The following PKIA variants were observed in gnomAD, a reference collection of about 807,000 sequenced individuals.
PKIA encodes the protein PKI-alpha.
PKIA carries 4 observed loss-of-function variants against 7.6 expected under a neutral mutation model. That is an observed-to-expected ratio of 0.52 (90% CI 0.26 to 1.20). The LOEUF is 1.20. Among genes scored for constraint, PKIA ranks in the 50% most tolerant of loss-of-function variants. The probability of loss-of-function intolerance (pLI) is 0.13; values close to 1 mark genes in which losing one functional copy is unlikely to be tolerated. For synonymous variants in PKIA, 21 were observed against 30.7 expected, an observed-to-expected ratio of 0.68 and a Z score of 1.04; for missense variants, 73 against 86.2, an observed-to-expected ratio of 0.85 and a Z score of 0.61.
chr8:78,588,551 T>A (rs758421103), intron 2 of PKIA, among the ~76,000 whole-genome samples: 2 of 152,126 alleles, frequency 1.3e-5, no homozygotes, highest in Non-Finnish European at 2.9e-5. Context: ...TATGGATGAC[T>A]ATTGTGAAAA....
chr8:78,600,880 T>C (rs534708343), intron 3 of PKIA, among the ~76,000 whole-genome samples: 2 of 152,224 alleles, frequency 1.3e-5, no homozygotes, highest in African/African-American at 4.8e-5. Flanking sequence ...TACCTGCTTT[T>C]ATTTGAATTA....
intron 1 of PKIA, among the ~76,000 whole-genome samples, chr8:78,537,986 G>T (rs533465134): frequency 9.2e-5 from 14 of 151,958 alleles, no homozygotes; most frequent in Non-Finnish European, 2.1e-4. Context: ...TAAATCAGGT[G>T]TCCTGGTCTC....
chr8:78,566,060 T>G (rs1807405620), intron 1 of PKIA, among the ~76,000 whole-genome samples: 1 of 151,950 alleles, frequency 6.6e-6, no homozygotes, highest in African/African-American at 2.4e-5. Flanking sequence ...AAACTGTCCA[T>G]GGAAAAAAAT....
chr8:78,581,062 A>G (rs999510632), intron 2 of PKIA, among the ~76,000 whole-genome samples: 3 of 152,056 alleles, frequency 2.0e-5, no homozygotes, highest in Non-Finnish European at 1.5e-5. Context: ...TAGTGTCCAG[A>G]TCTTGGTGTC....
chr8:78,567,079 A>G (rs1430674202), intron 1 of PKIA, among the ~76,000 whole-genome samples: 1 of 152,204 alleles, frequency 6.6e-6, no homozygotes, highest in Non-Finnish European at 1.5e-5. Flanking sequence ...GACTTTTTAA[A>G]TAGACTTTAT....
chr8:78,594,338 A>C (rs371235951), intron 2 of PKIA, among the ~76,000 whole-genome samples: 30 of 151,820 alleles, frequency 2.0e-4, no homozygotes, highest in African/African-American at 6.8e-4. Context: ...AAAACATACC[A>C]TGTATGAGAG....
intron 2 of PKIA, among the ~76,000 whole-genome samples, chr8:78,582,564 A>G (rs563367970): frequency 6.6e-6 from 1 of 152,260 alleles, no homozygotes; most frequent in South Asian, 2.1e-4. Flanking sequence ...GTGGGAACAC[A>G]AAGCCAAACT....
At chr8:78,598,835 CT>C (rs1265334482) in intron 3 of PKIA, among the ~76,000 whole-genome samples, 20 of 152,064 alleles carry the variant, frequency 1.3e-4, no homozygotes, top group African/African-American at 4.6e-4. Flanking sequence ...GCTGAAATTG[CT>C]TATGTACAGT....
At chr8:78,560,048 A>G (rs1420698117) in intron 1 of PKIA, among the ~76,000 whole-genome samples, 1 of 152,104 alleles carries the variant, frequency 6.6e-6, no homozygotes, top group Admixed American at 6.6e-5. Flanking sequence ...GACTTTCACT[A>G]TTCATTTATC....
chr8:78,526,310 T>C (rs1809543128), intron 1 of PKIA, among the ~76,000 whole-genome samples: 1 of 152,052 alleles, frequency 6.6e-6, no homozygotes, highest in African/African-American at 2.4e-5. Flanking sequence ...AGCTTCTATA[T>C]TTAACTCTTC....
At chr8:78,561,287 A>G (rs1399674514) in intron 1 of PKIA, among the ~76,000 whole-genome samples, 2 of 152,128 alleles carry the variant, frequency 1.3e-5, no homozygotes, top group African/African-American at 4.8e-5. Context: ...ACCAGGATAC[A>G]AGCTAAGATG....
At position 78,527,137 on chromosome 8, in the gene PKIA, C is replaced by T. The variant is rs575556327; in HGVS notation, c.-157+10669C>T. 7.2e-5 allele frequency among the ~76,000 whole-genome samples: 11 copies of T among 152,124 alleles called. No individual in the cohort carries two copies. The East Asian group carries it at 1.2e-3, about 16-fold the overall frequency. Reference sequence around the variant, plus strand: ...GGAACAGAATAACTTCACTCTTTCACGTAAAAAGTATAAATCATCAGTGTA... The same window carrying T: ...GGAACAGAATAACTTCACTCTTTCATGTAAAAAGTATAAATCATCAGTGTA... On this transcript the variant is annotated intron_variant, in intron 1 of 3. Transcript: ENST00000396418.
In PKIA at chr8:78,560,683, C is replaced by T. The variant is rs79767673; in HGVS notation, c.-156-12128C>T. The stretch of plus-strand genomic sequence containing the variant: ...TGGCCTTGATATTTAGACCAATGGC[C>T]GAGGAAAACCATGAAGAACATGAGA... On this transcript the variant is annotated intron_variant, in intron 1 of 3. Transcript: ENST00000396418. Among the ~76,000 whole-genome samples the T allele has an allele frequency of 3.0e-3, 450 of 152,154 alleles. 2 individuals carry two copies. Among genetic ancestry groups the T allele is most frequent in the African/African-American group, 0.01 (430 of 41,514 alleles).
chr8:78,565,658 C>G (rs1563581880), intron 1 of PKIA, among the ~76,000 whole-genome samples: 3 of 151,890 alleles, frequency 2.0e-5, no homozygotes, highest in African/African-American at 7.2e-5. Context: ...CCCTCTTTCT[C>G]TTGTACCTAC....
In PKIA at chr8:78,532,509, CA is replaced by C. The variant is rs531910650; in HGVS notation, c.-157+16057del. 4.2e-3 allele frequency among the ~76,000 whole-genome samples: 428 copies of C among 101,324 alleles called. 6 individuals carry two copies. Among genetic ancestry groups the C allele is most frequent in the South Asian group, 0.029 (92 of 3,166 alleles). 66.5% of individuals were successfully genotyped at this position (101,324 alleles called of 152,430 possible). A position where few individuals can be genotyped will look rare whatever the true frequency, so the allele number is the denominator to read the frequency against. ...TGGGTGACAGAGCAAGACTCCATCT[CA>C]AAAAAAAAAAAAAAAGGAAGAAATT... On this transcript the variant is annotated intron_variant, in intron 1 of 3. Transcript: ENST00000396418.
intron 2 of PKIA, among the ~76,000 whole-genome samples, chr8:78,574,464 A>G (rs1208827575): frequency 4.6e-5 from 7 of 151,914 alleles, no homozygotes; most frequent in Middle Eastern, 3.2e-3. Flanking sequence ...CTATTTCTCT[A>G]TATTCTGCTG....
chr8:78,595,856 G>A (rs1255038754), intron 2 of PKIA, among the ~76,000 whole-genome samples: 1 of 152,150 alleles, frequency 6.6e-6, no homozygotes, highest in African/African-American at 2.4e-5. Flanking sequence ...TGTCTTTATG[G>A]TAGAATGATT....
chr8:78,553,753 T>G (rs1447204537), intron 1 of PKIA, among the ~76,000 whole-genome samples: 1 of 133,908 alleles, frequency 7.5e-6, no homozygotes, highest in Admixed American at 7.6e-5. Context: ...TTTTTTTTTT[T>G]GCAGTCTTTG....
At chr8:78,524,084 A>G (rs1289182667) in intron 1 of PKIA, among the ~76,000 whole-genome samples, 3 of 115,210 alleles carry the variant, frequency 2.6e-5, no homozygotes, top group Admixed American at 8.3e-5. Context: ...ATAAATATAA[A>G]TAAACATTTA....
Sources: allele counts gnomAD v4.1 joint callset (sites outside exome capture counted in the v4.1 genomes callset), GRCh38; gene constraint gnomAD v4.1.1; transcripts MANE v1.5; gene names NCBI Gene and HGNC (gene_info 2026-07-23, HGNC 2026-07-21).